The following MCF2L2 variants were observed in gnomAD, a reference collection of about 807,000 sequenced individuals.
The protein encoded by MCF2L2 is MCF.2 cell line derived transforming sequence-like 2.
In MCF2L2, 102 loss-of-function variants were observed where a neutral mutation model predicts 150.2. That is an observed-to-expected ratio of 0.68 (90% CI 0.58 to 0.80). The LOEUF (loss-of-function observed/expected upper bound fraction) is 0.80, where lower values mean the gene tolerates loss of function less well. Ranked by LOEUF, MCF2L2 falls within the 30% of genes least tolerant of loss-of-function variation. The probability of loss-of-function intolerance (pLI) is 0.00; values close to 1 mark genes in which losing one functional copy is unlikely to be tolerated. For missense variants in MCF2L2, 1,256 were observed against 1,372.8 expected (o/e 0.91, Z 1.34); for synonymous variants, 465 against 491.3 (o/e 0.95, Z 0.71).
chr3:183,330,559 G>A (rs1730231273), intron 5 of MCF2L2, among the ~76,000 whole-genome samples: 2 of 152,070 alleles, frequency 1.3e-5, no homozygotes, highest in African/African-American at 4.8e-5. Context: ...TGATGGGGCT[G>A]TTCTGTATCT....
chr3:183,255,817 A>G (rs1030294043), intron 15 of MCF2L2, among the ~76,000 whole-genome samples: 28 of 152,094 alleles, frequency 1.8e-4, no homozygotes, highest in African/African-American at 4.3e-4. Flanking sequence ...TAAAAAAAAA[A>G]AAAAAGAAAA....
intron 1 of MCF2L2, among the ~76,000 whole-genome samples, chr3:183,403,552 T>C (rs900356268): frequency 6.6e-6 from 1 of 152,210 alleles, no homozygotes; most frequent in African/African-American, 2.4e-5. Context: ...CCTTCTTGAA[T>C]TATTGTCTCA....
Position 183,179,561 on chromosome 3 carries a change from CCTCG to C in MCF2L2, c.3221+12_3221+15del. 1 of 1,613,776 alleles carries C rather than the reference CCTCG, an allele frequency of 6.2e-7. No individual in the cohort carries two copies. The highest frequency in any genetic ancestry group is 1.1e-5 in the South Asian group (1 of 91,044). Reference sequence around the variant, plus strand: ...TGGCCCAAAGAGGCGCTTAGTCTTTCCTCGCTCACACTCACGTTTCCTCCTCATC... The same window carrying C: ...TGGCCCAAAGAGGCGCTTAGTCTTTCCTCACACTCACGTTTCCTCCTCATC... On this transcript the variant is annotated intron_variant, in intron 29 of 29. Coordinates refer to ENST00000328913, the MANE Select transcript of MCF2L2 (RefSeq NM_015078.4). The surrounding 1 kb of genome is among the most constrained non-coding windows in gnomAD (Gnocchi z 4.2).
At chr3:183,204,921 G>A (rs909614974) in intron 25 of MCF2L2, among the ~76,000 whole-genome samples, 3 of 152,186 alleles carry the variant, frequency 2.0e-5, no homozygotes, top group Non-Finnish European at 2.9e-5. Context: ...TATATGTGAT[G>A]TGTAGAGAAA....
At chr3:183,326,492 CAAAA>C (rs890481068) in intron 5 of MCF2L2, among the ~76,000 whole-genome samples, 1 of 39,424 alleles carries the variant, frequency 2.5e-5, no homozygotes, top group African/African-American at 9.2e-5. Context: ...AACTCCGTCT[CAAAA>C]AAAAAAAAAA....
Position 183,361,913 on chromosome 3 carries a change from T to C in MCF2L2, c.275+17384A>G, listed in dbSNP as rs568989223. ...AGAGAGTGACATCTTTGCTTTCTGA[T>C]GGATCAATGTATACAAACTCTGTTT... On this transcript the variant is annotated intron_variant, in intron 3 of 29. Coordinates refer to ENST00000328913, the MANE Select transcript of MCF2L2 (RefSeq NM_015078.4). Among the ~76,000 whole-genome samples, 48 of 152,308 alleles carry C rather than the reference T, an allele frequency of 3.2e-4. 1 individual carries two copies. The highest frequency in any genetic ancestry group is 1.1e-3 in the African/African-American group (45 of 41,568).
intron 20 of MCF2L2, among the ~76,000 whole-genome samples, chr3:183,223,097 G>A (rs542105545): frequency 1.3e-5 from 2 of 152,346 alleles, no homozygotes; most frequent in East Asian, 3.9e-4. Context: ...AGACTCCTTA[G>A]TGATTCATGC....
chr3:183,362,506 G>C (rs1039167438), intron 3 of MCF2L2, among the ~76,000 whole-genome samples: 1 of 151,616 alleles, frequency 6.6e-6, no homozygotes, highest in Non-Finnish European at 1.5e-5. Context: ...TTCTTGGAAA[G>C]GCATAGCTTC....
At position 183,327,162 on chromosome 3, in the gene MCF2L2, T is replaced by C. The variant is rs533782058; in HGVS notation, c.487-3811A>G. On this transcript the variant is annotated intron_variant, in intron 5 of 29. Transcript: ENST00000328913. ...CAACATGGTGAAACCCTGTCTCTACTAAAAATACAAAAATTAGCCGGGCGT... is the reference window on the plus strand; with the variant it reads ...CAACATGGTGAAACCCTGTCTCTACCAAAAATACAAAAATTAGCCGGGCGT... Among the ~76,000 whole-genome samples, 261 of 151,898 alleles carry C rather than the reference T, an allele frequency of 1.7e-3. 1 individual carries two copies. The highest frequency in any genetic ancestry group is 0.01 in the Middle Eastern group (3 of 290).
In MCF2L2 at chr3:183,314,128, C is replaced by T. The variant is rs1729498087; in HGVS notation, c.754-2356G>A. Among the ~76,000 whole-genome samples, 4 of 152,172 alleles carry T rather than the reference C, an allele frequency of 2.6e-5. No individual in the cohort carries two copies. In the South Asian group the frequency reaches 8.3e-4, roughly 31 times the overall value. On this transcript the variant is annotated intron_variant, in intron 7 of 29. Transcript: ENST00000328913. ...TGTCCCTCAGATGAGAGTGAAATCACAGAGAAAATAAGGTTTCAAATTTAT... is the reference window on the plus strand; with the variant it reads ...TGTCCCTCAGATGAGAGTGAAATCATAGAGAAAATAAGGTTTCAAATTTAT...
intron 3 of MCF2L2, among the ~76,000 whole-genome samples, chr3:183,342,503 G>A (rs1365785100): frequency 1.3e-5 from 2 of 152,108 alleles, no homozygotes; most frequent in African/African-American, 4.8e-5. Flanking sequence ...TATATATTGT[G>A]TGTGCTTTTT....
intron 3 of MCF2L2, among the ~76,000 whole-genome samples, chr3:183,369,124 C>T (rs1057252307): frequency 5.3e-5 from 8 of 152,092 alleles, no homozygotes; most frequent in African/African-American, 1.2e-4. Flanking sequence ...CCCAACTGAC[C>T]GAATGGACCA....
chr3:183,328,174 A>G (rs146088176), intron 5 of MCF2L2, among the ~76,000 whole-genome samples: 153 of 152,316 alleles, frequency 1.0e-3, no homozygotes, highest in African/African-American at 3.5e-3. Context: ...ACAGCGTGGA[A>G]GCTCTGTGCA....
intron 1 of MCF2L2, among the ~76,000 whole-genome samples, chr3:183,416,915 C>G (rs1457985752): frequency 6.6e-6 from 1 of 151,696 alleles, no homozygotes; most frequent in Non-Finnish European, 1.5e-5. Flanking sequence ...CGAGACCATC[C>G]TGGCCAACAT....
intron 1 of MCF2L2, among the ~76,000 whole-genome samples, chr3:183,392,992 G>A (rs1049410638): frequency 2.0e-5 from 3 of 152,172 alleles, no homozygotes; most frequent in South Asian, 2.1e-4. Flanking sequence ...CTAGATAGGT[G>A]ATCAGGGCAA....
At position 183,270,755 on chromosome 3, in the gene MCF2L2, G is replaced by T. The variant is rs1403838897; in HGVS notation, c.1862+6117C>A. On this transcript the variant is annotated intron_variant, in intron 15 of 29. Coordinates refer to ENST00000328913, the MANE Select transcript of MCF2L2 (RefSeq NM_015078.4). The surrounding 1 kb of genome is among the most constrained non-coding windows in gnomAD (Gnocchi z 4.5). Reference sequence around the variant, plus strand: ...ATCATCCCTGCATCTATGAAAAAATGATGACATCTCATGGACACTTAGAAG... The same window carrying T: ...ATCATCCCTGCATCTATGAAAAAATTATGACATCTCATGGACACTTAGAAG... The T allele has an allele frequency of 6.2e-7, 1 of 1,613,704 alleles. No individual in the cohort carries two copies.
At chr3:183,314,005 G>A (rs762337382) in intron 7 of MCF2L2, among the ~76,000 whole-genome samples, 39 of 152,206 alleles carry the variant, frequency 2.6e-4, no homozygotes, top group Non-Finnish European at 4.8e-4. Flanking sequence ...AGGAATGACG[G>A]GCAGCTGAGT....
Position 183,428,296 on chromosome 3 carries a change from T to C in MCF2L2, c.-319A>G. ...CCCCGGCTCCTCCGGCCGGGCGAGC[T>C]CCGGGGCTTCCAGAATCGCGGTCCC... On this transcript the variant is annotated 5_prime_UTR_variant, in exon 1 of 30. Coordinates refer to ENST00000328913, the MANE Select transcript of MCF2L2 (RefSeq NM_015078.4). This position sits in a 1 kb window ranked among gnomAD's most constrained non-coding sequence, Gnocchi z 5.1. 1 of 317,534 alleles carries C rather than the reference T, an allele frequency of 3.1e-6. No homozygotes were observed. Among genetic ancestry groups the C allele is most frequent in the Non-Finnish European group, 5.8e-6 (1 of 172,330 alleles). The allele number at this position is 317,534 out of a possible 1,614,324, so 19.7% of individuals were successfully genotyped here.
rs1327552957 is a variant in MCF2L2, at chr3:183,270,684, G to A, written c.1862+6188C>T. The A allele has an allele frequency of 1.2e-6, 2 of 1,614,102 alleles. No homozygotes were observed. Among genetic ancestry groups the A allele is most frequent in the Non-Finnish European group, 1.7e-6 (2 of 1,180,018 alleles). On this transcript the variant is annotated intron_variant, in intron 15 of 29. Transcript: ENST00000328913. This position sits in a 1 kb window ranked among gnomAD's most constrained non-coding sequence, Gnocchi z 4.5. ...CCTCTGTGCCAATAAAATAGGGATA[G>A]TACCGCAGGACCATGTGTTTTTTTC...
Sources: gnomAD v4.1 joint callset for allele counts (sites outside exome capture counted in the v4.1 genomes callset) on GRCh38, gnomAD v4.1.1 for gene constraint, Gnocchi (gnomAD v3.1) non-coding constraint, MANE v1.5 for transcripts, NCBI Gene and HGNC (gene_info 2026-07-23, HGNC 2026-07-21) for gene names.